The following CTDSP1 variants were observed in gnomAD, a reference collection of about 807,000 sequenced individuals.
The protein encoded by CTDSP1 is carboxy-terminal domain RNA polymerase II polypeptide A small phosphatase 1.
In CTDSP1, 15 loss-of-function variants were observed where a neutral mutation model predicts 32.5. The ratio of observed to expected loss-of-function variants is 0.46; its 90% CI spans 0.31 to 0.71. The LOEUF (loss-of-function observed/expected upper bound fraction) is 0.71. Ranked by LOEUF, CTDSP1 falls within the 30% of genes least tolerant of loss-of-function variation. The pLI is 0.05. For synonymous variants in CTDSP1, 185 were observed against 145.4 expected, an observed-to-expected ratio of 1.27 and a Z score of -1.96; for missense variants, 294 against 351.1, an observed-to-expected ratio of 0.84 and a Z score of 1.30.
rs897593371 is a variant in CTDSP1, at chr2:218,404,329, T to G, written c.690T>G (p.Ser230Arg). 1.2e-6 allele frequency: 2 copies of G among 1,613,960 alleles called. No individual in the cohort carries two copies. The highest frequency in any genetic ancestry group is 1.3e-5 in the African/African-American group (1 of 74,886). ...TGGCCTCGTGGTTTGACAACATGAG[T>G]GACACAGAGCTCCACGACCTCCTCC... ...VPVASWFDNM[S>R]DTELHDLLPF... The change falls in exon 7 of 7, where the codon AGT becomes AGG. Residue 230 changes from serine to arginine, a missense_variant. Transcript: ENST00000273062.
At chr2:218,397,760 C>T (rs1696893131), upstream of CTDSP1, among the ~76,000 whole-genome samples, 1 of 152,174 alleles carries the variant, frequency 6.6e-6, no homozygotes, top group Non-Finnish European at 1.5e-5. Flanking sequence ...GACCCCCCTC[C>T]CCCCACGCAA....
chr2:218,397,049 G>A (rs1173115806), upstream of CTDSP1, among the ~76,000 whole-genome samples: 1 of 152,164 alleles, frequency 6.6e-6, no homozygotes, highest in Non-Finnish European at 1.5e-5. Flanking sequence ...GACAGCCCAG[G>A]AGGAATGAGA....
chr2:218,401,599 A>G lies in CTDSP1; in HGVS notation c.103A>G (p.Ser35Gly), dbSNP rs1389126866. ...QKSAASQKPR[S>G]RGILHSLFCC... ...GTCAGCAGCTTCCCAGAAGCCCCGA[A>G]GCCGGGGCATCCTCCACTCACTCTT... Residue 35 changes from serine to glycine, a missense_variant, in exon 2 of 7, where the codon AGC becomes GGC. By Grantham distance (56) the Ser-to-Gly change is moderately conservative. Transcript: ENST00000273062. 3.7e-6 allele frequency: 6 copies of G among 1,613,770 alleles called. No individual in the cohort carries two copies. Among genetic ancestry groups the G allele is most frequent in the Admixed American group, 3.3e-5 (2 of 59,974 alleles).
upstream of CTDSP1, chr2:218,399,667 A>G (rs1476750506): frequency 5.5e-6 from 5 of 917,426 alleles, no homozygotes; most frequent in Non-Finnish European, 6.5e-6. Flanking sequence ...ACGCAGCCGC[A>G]GAGACTCAGC....
chr2:218,400,271 G>A (rs1169179270), intron 1 of CTDSP1, 114 bp downstream of exon 1: 2 of 943,018 alleles, frequency 2.1e-6, no homozygotes, highest in East Asian at 2.7e-5. Flanking sequence ...CCTTAGCTGT[G>A]CCCGAAGCTC....
Position 218,399,980 on chromosome 2 carries a change from T to TGCCCA in CTDSP1, c.-111_-110insGCCCA. 5 of 946,466 alleles carry TGCCCA rather than the reference T, an allele frequency of 5.3e-6. No homozygotes were observed. The highest frequency in any genetic ancestry group is 6.5e-6 in the Non-Finnish European group (5 of 770,524). The allele number at this position is 946,466 out of a possible 1,614,324, so 58.6% of individuals were successfully genotyped here. A position where few individuals can be genotyped will look rare whatever the true frequency, so the allele number is the denominator to read the frequency against. ...CCCTCCCCTCCGGAGCTCGCGGGGATCCCTCCCTCCCACCCCTCCCCTCCC... is the reference window on the plus strand; with the variant it reads ...CCCTCCCCTCCGGAGCTCGCGGGGATGCCCACCCTCCCTCCCACCCCTCCCCTCCC... On this transcript the variant is annotated 5_prime_UTR_variant, in exon 1 of 7. In the 5' UTR this introduces an upstream ATG that the reference lacks. Coordinates refer to ENST00000273062, the MANE Select transcript of CTDSP1 (RefSeq NM_021198.3).
upstream of CTDSP1, chr2:218,398,572 C>T (rs1696940479): frequency 1.2e-5 from 10 of 822,628 alleles, no homozygotes; most frequent in Middle Eastern, 3.9e-4. Flanking sequence ...CCCCTCCCTT[C>T]CCCTCCCGGC....
chr2:218,398,410 G>T, upstream of CTDSP1: 1 of 1,535,302 alleles, frequency 6.5e-7, no homozygotes, highest in Non-Finnish European at 8.7e-7. Flanking sequence ...GTGATGAAGC[G>T]CAATGGTGGC....
chr2:218,403,362 G>T lies in CTDSP1; in HGVS notation c.602G>T (p.Arg201Leu). The change falls in exon 6 of 7, where the codon CGG becomes CTG. Residue 201 changes from arginine (R) to leucine (L), a missense_variant. By Grantham distance (102) the Arg-to-Leu change is moderately radical. This residue lies in a region of CTDSP1 where 146 missense variants were observed against 237.7 expected (regional missense o/e 0.61). Coordinates refer to ENST00000273062, the MANE Select transcript of CTDSP1 (RefSeq NM_021198.3). ...DLSRLGRDLR[R>L]VLILDNSPAS... ...AGCCGGTTGGGTCGAGACCTGCGGC[G>T]GGTGCTCATCCTGGACAATTCACCT... is the stretch of plus-strand genomic sequence containing the variant. The T allele has an allele frequency of 6.2e-7, 1 of 1,613,394 alleles. No individual in the cohort carries two copies. The highest frequency in any genetic ancestry group is 8.5e-7 in the Non-Finnish European group (1 of 1,179,784).
chr2:218,400,627 G>C (rs982058040), intron 1 of CTDSP1: 20 of 415,212 alleles, frequency 4.8e-5, no homozygotes, highest in Non-Finnish European at 8.3e-5. Context: ...GGCTTGGAGG[G>C]ATCTCCCGCC....
In CTDSP1 at chr2:218,404,398, G is replaced by T. The variant is rs755452574; in HGVS notation, c.759G>T (p.Val253=). 6.2e-7 allele frequency: 1 copy of T among 1,614,146 alleles called. No homozygotes were observed. The highest frequency in any genetic ancestry group is 1.7e-5 in the Admixed American group (1 of 60,018). Residue 253 remains valine (V), a synonymous_variant, in exon 7 of 7, where the codon GTG becomes GTT. Transcript: ENST00000273062. ...GCCGTGTGGACGACGTGTACTCAGTGCTCAGGCAGCCACGGCCAGGGAGCT... is the reference window on the plus strand; with the variant it reads ...GCCGTGTGGACGACGTGTACTCAGTTCTCAGGCAGCCACGGCCAGGGAGCT... The part of the protein sequence containing the change: ...QLSRVDDVYS[V]LRQPRPGS
intron 1 of CTDSP1, chr2:218,400,884 G>C (rs1441384378): frequency 2.2e-6 from 1 of 456,072 alleles, no homozygotes; most frequent in Non-Finnish European, 4.4e-6. Flanking sequence ...TCAGGATCTG[G>C]ACGCTGCCCC....
At position 218,403,342 on chromosome 2, in the gene CTDSP1, G is replaced by T; in HGVS notation, c.582G>T (p.Arg194=). The change falls in exon 6 of 7, where the codon CGG becomes CGT. Residue 194 remains arginine (R), a synonymous_variant. Coordinates refer to ENST00000273062, the MANE Select transcript of CTDSP1 (RefSeq NM_021198.3). ...HRGNYVKDLS[R]LGRDLRRVLI... is the part of the protein sequence containing the mutation. ...GGAACTACGTGAAGGACCTGAGCCG[G>T]TTGGGTCGAGACCTGCGGCGGGTGC... The T allele has an allele frequency of 6.2e-7, 1 of 1,614,070 alleles. No homozygotes were observed. Among genetic ancestry groups the T allele is most frequent in the Non-Finnish European group, 8.5e-7 (1 of 1,179,980 alleles).
chr2:218,400,188 C>CGG, intron 1 of CTDSP1, 31 bp downstream of exon 1: 1 of 1,525,550 alleles, frequency 6.6e-7, no homozygotes, highest in Non-Finnish European at 8.8e-7. Context: ...GGGCCGAAGC[C>CGG]GGGGCGCCGT....
upstream of CTDSP1, chr2:218,398,376 C>T: frequency 6.5e-7 from 1 of 1,530,440 alleles, no homozygotes; most frequent in Non-Finnish European, 8.8e-7. Context: ...CCTAGGAAAA[C>T]GCCAGCAGCG....
rs373050159 is a variant in CTDSP1, at chr2:218,403,318, G to A, written c.558G>A (p.Gly186=). 6.2e-7 allele frequency: 1 copy of A among 1,614,162 alleles called. No individual in the cohort carries two copies. Residue 186 remains glycine (G), a synonymous_variant, in exon 6 of 7, where the codon GGG becomes GGA. Transcript: ENST00000273062. ...GAGAGTCCTGCGTCTTCCACCGGGG[G>A]AACTACGTGAAGGACCTGAGCCGGT... is the stretch of plus-strand genomic sequence containing the variant. ...LFRESCVFHR[G]NYVKDLSRLG...
In CTDSP1 at chr2:218,399,881, G is replaced by C. The variant is rs1189390656; in HGVS notation, c.-210G>C. 1.6e-6 allele frequency: 2 copies of C among 1,246,144 alleles called. No individual in the cohort carries two copies. Among genetic ancestry groups the C allele is most frequent in the Non-Finnish European group, 2.0e-6 (2 of 995,216 alleles). The allele number at this position is 1,246,144 out of a possible 1,614,324, so 77.2% of individuals were successfully genotyped here. On this transcript the variant is annotated 5_prime_UTR_variant, in exon 1 of 7. Transcript: ENST00000273062. Reference sequence around the variant, plus strand: ...GGTTCCATGTTTGCATCCGCCTCGCGGGAAGGAAACTCCATGTTGTAACAA... The same window carrying C: ...GGTTCCATGTTTGCATCCGCCTCGCCGGAAGGAAACTCCATGTTGTAACAA...
chr2:218,398,338 T>A, upstream of CTDSP1: 1 of 1,362,184 alleles, frequency 7.3e-7, no homozygotes, highest in Non-Finnish European at 1.0e-6. Context: ...AAGGGGTAAA[T>A]GAGATTAGGG....
In CTDSP1 at chr2:218,404,402, A is replaced by G. The variant is rs1382898177; in HGVS notation, c.763A>G (p.Arg255Gly). ...TGTGGACGACGTGTACTCAGTGCTCAGGCAGCCACGGCCAGGGAGCTAGTG... is the reference window on the plus strand; with the variant it reads ...TGTGGACGACGTGTACTCAGTGCTCGGGCAGCCACGGCCAGGGAGCTAGTG... ...SRVDDVYSVL[R>G]QPRPGS Residue 255 changes from arginine (R) to glycine (G), a missense_variant, in exon 7 of 7, where the codon AGG (arginine) becomes GGG (glycine). Around this residue, in one of 2 missense-constraint regions of CTDSP1, gnomAD observed 146 missense variants for 237.7 expected, o/e 0.61. Coordinates refer to ENST00000273062, the MANE Select transcript of CTDSP1 (RefSeq NM_021198.3). The G allele has an allele frequency of 1.2e-6, 2 of 1,614,010 alleles. No homozygotes were observed. The highest frequency in any genetic ancestry group is 2.2e-5 in the East Asian group (1 of 44,892).
Sources: gnomAD v4.1 joint callset for allele counts (sites outside exome capture counted in the v4.1 genomes callset) on GRCh38, gnomAD v4.1.1 for gene constraint, gnomAD v4.1.1 regional missense constraint, MANE v1.5 for transcripts, NCBI Gene and HGNC (gene_info 2026-07-23, HGNC 2026-07-21) for gene names.